The following TBC1D7 variants were observed in gnomAD, a reference collection of about 807,000 sequenced individuals.
TBC1D7 encodes TBC1 domain family member 7, also known as TBC domain family 7.
Under a neutral mutation model 35.3 loss-of-function variants are expected in TBC1D7, and 33 were observed. The observed-to-expected ratio is 0.93, with a 90% CI of 0.71 to 1.25. The LOEUF (loss-of-function observed/expected upper bound fraction) is 1.25, where lower values mean the gene tolerates loss of function less well. Among genes scored for constraint, TBC1D7 ranks in the 50% most tolerant of loss-of-function variants. TBC1D7 has a pLI of 0.00. For synonymous variants in TBC1D7, 135 were observed against 129.5 expected, an observed-to-expected ratio of 1.04 and a Z score of -0.29; for missense variants, 362 against 365.3, an observed-to-expected ratio of 0.99 and a Z score of 0.07.
intron 3 of TBC1D7, among the ~76,000 whole-genome samples, chr6:13,323,072 G>A (rs960689210): frequency 6.6e-6 from 1 of 152,176 alleles, no homozygotes; most frequent in Non-Finnish European, 1.5e-5. Context: ...AGAAAGGTGG[G>A]CCGAGCGCGG....
At chr6:13,307,489 A>C (rs1056718220) in intron 6 of TBC1D7, 111 bp downstream of exon 6, 8 of 1,078,346 alleles carry the variant, frequency 7.4e-6, no homozygotes, top group Non-Finnish European at 1.1e-5. Flanking sequence ...CTGAGCTTCA[A>C]ATTACTGTAT....
chr6:13,319,110 T>C (rs1454219847), intron 4 of TBC1D7: 4 of 152,144 alleles, frequency 2.6e-5, no homozygotes, highest in Non-Finnish European at 5.9e-5. Flanking sequence ...AATTGAGAAA[T>C]GCTCTACTGG....
chr6:13,312,829 A>T (rs1412727904), intron 5 of TBC1D7, among the ~76,000 whole-genome samples: 1 of 151,920 alleles, frequency 6.6e-6, no homozygotes, highest in African/African-American at 2.4e-5. Flanking sequence ...TTGTATCAAA[A>T]CCTAAAATTT....
Position 13,328,501 on chromosome 6 carries a change from G to GCGCCGCTGCCGCCGCCGC in TBC1D7, c.-215_-214insGCGGCGGCGGCAGCGGCG, listed in dbSNP as rs1784555872. On this transcript the variant is annotated 5_prime_UTR_variant, in exon 1 of 8. Coordinates refer to ENST00000379300, the MANE Select transcript of TBC1D7 (RefSeq NM_016495.6). ...CAGACGGCCCGGGAGACAAAACTCA[G>GCGCCGCTGCCGCCGCCGC]CGCCGCTGCCGCTGCCGCTGCCGCC... The GCGCCGCTGCCGCCGCCGC allele has an allele frequency of 8.4e-6, 1 of 118,830 alleles. No homozygotes were observed. The highest frequency in any genetic ancestry group is 1.9e-5 in the Non-Finnish European group (1 of 52,362). 7.4% of individuals were successfully genotyped at this position (118,830 alleles called of 1,614,324 possible). A position where few individuals can be genotyped will look rare whatever the true frequency, so the allele number is the denominator to read the frequency against.
chr6:13,319,362 AG>A (rs1783860264), intron 4 of TBC1D7: 1 of 151,598 alleles, frequency 6.6e-6, no homozygotes, highest in Non-Finnish European at 1.5e-5. Flanking sequence ...CTGGAGGCTG[AG>A]GCACAAGAAT....
At chr6:13,325,234 C>G in intron 2 of TBC1D7, 60 bp from the exon 3 acceptor site, 1 of 1,243,792 alleles carries the variant, frequency 8.0e-7, no homozygotes, top group Non-Finnish European at 1.2e-6. Flanking sequence ...TATGTCAAGG[C>G]ACATTTCATT....
intron 6 of TBC1D7, 185 bp downstream of exon 6, chr6:13,307,415 A>AT: frequency 1.6e-6 from 1 of 614,700 alleles, no homozygotes; most frequent in Non-Finnish European, 2.8e-6. Context: ...AGGGCCCTTA[A>AT]TTTTTCTAAT....
intron 7 of TBC1D7, among the ~76,000 whole-genome samples, chr6:13,305,436 G>C (rs1236921793): frequency 2.6e-5 from 4 of 152,138 alleles, no homozygotes; most frequent in Non-Finnish European, 5.9e-5. Context: ...AGCTACCTGG[G>C]TTTCAGATCC....
Position 13,307,686 on chromosome 6 carries a change from C to T in TBC1D7, c.579G>A (p.Arg193=). 6.2e-7 allele frequency: 1 copy of T among 1,614,146 alleles called. No homozygotes were observed. The highest frequency in any genetic ancestry group is 1.1e-5 in the South Asian group (1 of 91,088). Residue 193 remains arginine, a synonymous_variant, in exon 6 of 8, where the codon AGG becomes AGA. Transcript: ENST00000379300. ...GAAGTTTGGGCGCCGCGGAACACATCCTCAGATGAGTCAGCAGTCTGCCAT... is the reference window on the plus strand; with the variant it reads ...GAAGTTTGGGCGCCGCGGAACACATTCTCAGATGAGTCAGCAGTCTGCCAT... ...LEDGRLLTHL[R]MCSAAPKLPY... is the part of the protein sequence containing the mutation.
chr6:13,323,039 A>G (rs1335676760), intron 3 of TBC1D7, among the ~76,000 whole-genome samples: 1 of 152,170 alleles, frequency 6.6e-6, no homozygotes, highest in Non-Finnish European at 1.5e-5. Context: ...CCTTGTCCTC[A>G]AAAAATAACT....
chr6:13,325,696 T>G (rs560134138), intron 2 of TBC1D7, among the ~76,000 whole-genome samples: 1 of 152,232 alleles, frequency 6.6e-6, no homozygotes, highest in Non-Finnish European at 1.5e-5. Flanking sequence ...ATTTGCATTT[T>G]ACAGCATTGG....
At chr6:13,316,094 G>A (rs939676908) in intron 5 of TBC1D7, among the ~76,000 whole-genome samples, 2 of 152,224 alleles carry the variant, frequency 1.3e-5, no homozygotes, top group African/African-American at 2.4e-5. Flanking sequence ...GAGCAGAATG[G>A]CAGCAGTCTG....
intron 5 of TBC1D7, among the ~76,000 whole-genome samples, chr6:13,311,845 T>C (rs1783236201): frequency 6.6e-6 from 1 of 152,002 alleles, no homozygotes; most frequent in Non-Finnish European, 1.5e-5. Flanking sequence ...CAAAATACGC[T>C]AGAAAGTTGT....
intron 3 of TBC1D7, chr6:13,323,820 A>G (rs1584571100): frequency 6.6e-6 from 1 of 152,348 alleles, no homozygotes; most frequent in East Asian, 1.9e-4. Context: ...GAGGTCCACA[A>G]TCTATCTTAC....
intron 5 of TBC1D7, among the ~76,000 whole-genome samples, chr6:13,312,452 C>T (rs3001966): frequency 0.31 from 46,808 of 151,876 alleles, 7,492 homozygotes; most frequent in South Asian, 0.46. Context: ...TTTGGGAGGC[C>T]GAGTGGGGGC....
chr6:13,327,317 T>C (rs566595427), intron 1 of TBC1D7, among the ~76,000 whole-genome samples: 1 of 152,344 alleles, frequency 6.6e-6, no homozygotes, highest in Admixed American at 6.5e-5. Flanking sequence ...TATGATTTCA[T>C]TTTTTGTTTT....
At chr6:13,307,533 C>G in intron 6 of TBC1D7, 67 bp downstream of exon 6, 1 of 1,529,236 alleles carries the variant, frequency 6.5e-7, no homozygotes, top group Non-Finnish European at 9.0e-7. Flanking sequence ...TGAGGGATGA[C>G]CACATGAAAG....
intron 5 of TBC1D7, among the ~76,000 whole-genome samples, chr6:13,313,864 G>C (rs191738356): frequency 6.6e-6 from 1 of 152,206 alleles, no homozygotes; most frequent in Admixed American, 6.5e-5. Context: ...GAAAACTAGT[G>C]ATTTGTCTAA....
At chr6:13,318,609 G>A (rs149039844) in intron 4 of TBC1D7, 1 of 152,110 alleles carries the variant, frequency 6.6e-6, no homozygotes. Flanking sequence ...TCTAAGGTTT[G>A]TCCATGGATA....
Sources: allele counts gnomAD v4.1 joint callset (sites outside exome capture counted in the v4.1 genomes callset), GRCh38; gene constraint gnomAD v4.1.1; transcripts MANE v1.5; gene names NCBI Gene and HGNC (gene_info 2026-07-23, HGNC 2026-07-21).